Variants in C8orf34 observed in about 807,000 individuals in gnomAD.
C8orf34 encodes uncharacterized protein C8orf34.
A neutral mutation model predicts 68.3 loss-of-function variants in C8orf34; 65 were observed. The ratio of observed to expected loss-of-function variants is 0.95; its 90% CI spans 0.78 to 1.17. The LOEUF (loss-of-function observed/expected upper bound fraction) is 1.17. Among genes scored for constraint, C8orf34 ranks in the 50% most tolerant of loss-of-function variants. The pLI is 0.00. For missense variants in C8orf34, 664 were observed against 655.4 expected, an observed-to-expected ratio of 1.01 and a Z score of -0.14; for synonymous variants, 244 against 241.2, an observed-to-expected ratio of 1.01 and a Z score of -0.11.
chr8:68,331,352 G>A lies in C8orf34; in HGVS notation c.327+13G>A. 3 of 1,536,040 alleles carry A rather than the reference G, an allele frequency of 2.0e-6. No homozygotes were observed. Among genetic ancestry groups the A allele is most frequent in the Non-Finnish European group, 2.6e-6 (3 of 1,146,646 alleles). The stretch of plus-strand genomic sequence containing the variant: ...TCCCCTGTTTGAGGTAAGGCGCTGT[G>A]GAGGAGGGCAGTCCCGTTGTCTTTA... On this transcript the variant is annotated intron_variant, in intron 1 of 13. Coordinates refer to ENST00000518698, the MANE Select transcript of C8orf34 (RefSeq NM_052958.4).
At chr8:68,647,975 T>A (rs1056857294) in intron 8 of C8orf34, among the ~76,000 whole-genome samples, 2 of 152,182 alleles carry the variant, frequency 1.3e-5, no homozygotes, top group South Asian at 4.1e-4. Flanking sequence ...AAGAATCTAA[T>A]CCAGAACATT....
At chr8:68,497,710 T>A (rs1313408784) in intron 5 of C8orf34, among the ~76,000 whole-genome samples, 1 of 152,120 alleles carries the variant, frequency 6.6e-6, no homozygotes, top group Non-Finnish European at 1.5e-5. Flanking sequence ...GATTAAGGAA[T>A]GACCCCTGGG....
intron 11 of C8orf34, among the ~76,000 whole-genome samples, chr8:68,782,566 C>T (rs984898652): frequency 6.6e-6 from 1 of 151,952 alleles, no homozygotes; most frequent in African/African-American, 2.4e-5. Context: ...GTAACTATCC[C>T]ATTCTATCCC....
intron 7 of C8orf34, among the ~76,000 whole-genome samples, chr8:68,623,371 G>A (rs1468759552): frequency 6.6e-6 from 1 of 152,022 alleles, no homozygotes; most frequent in Non-Finnish European, 1.5e-5. Flanking sequence ...ACTTGTGGGG[G>A]GCTGGCCTCT....
At chr8:68,376,694 CAAAGTTTTGTTT>C (rs1344961426) in intron 1 of C8orf34, among the ~76,000 whole-genome samples, 1 of 151,296 alleles carries the variant, frequency 6.6e-6, no homozygotes, top group Admixed American at 6.6e-5. Context: ...CAAAACAAAA[CAAAGTTTTGTTT>C]TATGTCCAGT....
intron 1 of C8orf34, among the ~76,000 whole-genome samples, chr8:68,382,175 TGTA>T (rs1808070837): frequency 6.6e-6 from 1 of 152,216 alleles, no homozygotes; most frequent in South Asian, 2.1e-4. Flanking sequence ...TTATAACCAT[TGTA>T]GTGGTGGATA....
chr8:68,426,399 G>A (rs977130744), intron 1 of C8orf34, among the ~76,000 whole-genome samples: 2 of 151,224 alleles, frequency 1.3e-5, no homozygotes, highest in Non-Finnish European at 2.9e-5. Context: ...CACTCCTGTA[G>A]TCCCAAATGC....
chr8:68,727,650 G>A (rs920947600), intron 10 of C8orf34, among the ~76,000 whole-genome samples: 6 of 152,308 alleles, frequency 3.9e-5, no homozygotes, highest in Non-Finnish European at 7.3e-5. Context: ...CGAAATCTAG[G>A]CAGAAGTTCC....
At chr8:68,525,693 C>G in intron 6 of C8orf34, 13 of 661,986 alleles carry the variant, frequency 2.0e-5, no homozygotes, top group South Asian at 1.8e-4. Context: ...CTGATCACTC[C>G]ATATTTGTTT....
intron 7 of C8orf34, among the ~76,000 whole-genome samples, chr8:68,542,787 C>T (rs1367962140): frequency 6.6e-6 from 1 of 151,974 alleles, no homozygotes; most frequent in African/African-American, 2.4e-5. Flanking sequence ...AAAAACCCAC[C>T]AAAATCACAA....
intron 10 of C8orf34, among the ~76,000 whole-genome samples, chr8:68,773,609 A>G (rs1380265578): frequency 6.6e-6 from 1 of 152,030 alleles, no homozygotes; most frequent in East Asian, 1.9e-4. Flanking sequence ...CATGTTGGCC[A>G]GGCTGACCTC....
intron 10 of C8orf34, among the ~76,000 whole-genome samples, chr8:68,758,337 A>C (rs1230419168): frequency 2.0e-5 from 3 of 152,196 alleles, no homozygotes; most frequent in Non-Finnish European, 4.4e-5. Flanking sequence ...GTGGGTCAGT[A>C]GATTTTGGTA....
intron 7 of C8orf34, among the ~76,000 whole-genome samples, chr8:68,549,430 A>T (rs1207133790): frequency 2.6e-5 from 4 of 151,740 alleles, no homozygotes; most frequent in Non-Finnish European, 4.4e-5. Flanking sequence ...ACAGGTGGGG[A>T]GTGAGGGATT....
chr8:68,341,190 T>C (rs1025386860), intron 1 of C8orf34, among the ~76,000 whole-genome samples: 33 of 152,312 alleles, frequency 2.2e-4, no homozygotes, highest in African/African-American at 2.4e-4. Flanking sequence ...GATGGTGGCT[T>C]CTCTGTGTGT....
At chr8:68,422,970 A>G (rs1202433132) in intron 1 of C8orf34, among the ~76,000 whole-genome samples, 1 of 152,188 alleles carries the variant, frequency 6.6e-6, no homozygotes, top group Admixed American at 6.5e-5. Context: ...GAGCCAAAGC[A>G]GCTGGGATTC....
Position 68,720,380 on chromosome 8 carries a change from A to G in C8orf34, c.1328-981A>G, listed in dbSNP as rs528488609. 2.8e-4 allele frequency among the ~76,000 whole-genome samples: 42 copies of G among 152,018 alleles called. No homozygotes were observed. The East Asian group carries it at 7.7e-3, about 28-fold the overall frequency. On this transcript the variant is annotated intron_variant, in intron 9 of 13. Transcript: ENST00000518698. Reference sequence around the variant, plus strand: ...ATGGATTTGGGCTAAGCTTTCCATTATCTCCCTGGTGTTCAGTGGCCATTA... The same window carrying G: ...ATGGATTTGGGCTAAGCTTTCCATTGTCTCCCTGGTGTTCAGTGGCCATTA...
chr8:68,742,404 G>C (rs1822321548), intron 10 of C8orf34, among the ~76,000 whole-genome samples: 1 of 152,148 alleles, frequency 6.6e-6, no homozygotes, highest in Non-Finnish European at 1.5e-5. Context: ...AACAAAACTT[G>C]GGTCCCTCAG....
At chr8:68,399,809 T>A (rs919715483) in intron 1 of C8orf34, among the ~76,000 whole-genome samples, 5 of 152,150 alleles carry the variant, frequency 3.3e-5, no homozygotes, top group African/African-American at 1.2e-4. Flanking sequence ...CTCTGCATCC[T>A]CACCAACATC....
rs545258846 is a variant in C8orf34, at chr8:68,578,642, C to CTATATATATATATATA, written c.1105+45508_1105+45509insATATATATATATATAT. ...TCTATAGTTCATTGCAGATTAAATA[C>CTATATATATATATATA]TATATATATATATATTTCAATATTG... is the stretch of plus-strand genomic sequence containing the variant. On this transcript the variant is annotated intron_variant, in intron 7 of 13. Coordinates refer to ENST00000518698, the MANE Select transcript of C8orf34 (RefSeq NM_052958.4). Among the ~76,000 whole-genome samples the CTATATATATATATATA allele has an allele frequency of 6.0e-3, 889 of 148,740 alleles. 10 individuals carry two copies. The highest frequency in any genetic ancestry group is 0.021 in the African/African-American group (841 of 39,638).
Sources: allele counts gnomAD v4.1 joint callset (sites outside exome capture counted in the v4.1 genomes callset), GRCh38; gene constraint gnomAD v4.1.1; transcripts MANE v1.5; gene names NCBI Gene and HGNC (gene_info 2026-07-23, HGNC 2026-07-21).